Variants in LYRM4 observed in about 807,000 individuals in gnomAD.
The protein encoded by LYRM4 is LYR motif-containing protein 4.
A neutral mutation model predicts 11.7 loss-of-function variants in LYRM4; 9 were observed. That is an observed-to-expected ratio of 0.77 (90% CI 0.46 to 1.34). The LOEUF is 1.34. Among genes scored for constraint, LYRM4 ranks in the 40% most tolerant of loss-of-function variants. The pLI is 0.00. For missense variants in LYRM4, 133 were observed against 112.5 expected, an observed-to-expected ratio of 1.18 and a Z score of -0.82; for synonymous variants, 42 against 40.4, an observed-to-expected ratio of 1.04 and a Z score of -0.15.
chr6:5,040,937 T>C, the LYRM4 span, among the ~76,000 whole-genome samples: 1 of 152,092 alleles, frequency 6.6e-6, no homozygotes, highest in Non-Finnish European at 1.5e-5. Context: ...TGTGGTTCCA[T>C]GCATAAAGAG....
intron 2 of LYRM4, among the ~76,000 whole-genome samples, chr6:5,160,845 A>T (rs1758717217): frequency 6.6e-6 from 1 of 152,194 alleles, no homozygotes; most frequent in African/African-American, 2.4e-5. Context: ...CTCTAAGTCA[A>T]CTGGCCATTT....
At chr6:5,211,416 A>T (rs1026786572) in intron 2 of LYRM4, among the ~76,000 whole-genome samples, 8 of 152,194 alleles carry the variant, frequency 5.3e-5, no homozygotes, top group African/African-American at 1.9e-4. Context: ...AATTCAGCAA[A>T]TTACTTTGCT....
chr6:5,075,667 C>G, the LYRM4 span, among the ~76,000 whole-genome samples: 17 of 152,304 alleles, frequency 1.1e-4, no homozygotes, highest in South Asian at 3.3e-3. Flanking sequence ...GGACAGAAGT[C>G]AAATGCTGTA....
At chr6:5,096,029 C>T in the LYRM4 span, among the ~76,000 whole-genome samples, 1 of 151,982 alleles carries the variant, frequency 6.6e-6, no homozygotes, top group Non-Finnish European at 1.5e-5. Flanking sequence ...GAGTATTATG[C>T]CAAAGTAGAT....
chr6:5,112,231 T>C (rs393332), intron 2 of LYRM4, among the ~76,000 whole-genome samples: 142,764 of 152,262 alleles, frequency 0.94, 67,062 homozygotes, highest in African/African-American at 0.99. Context: ...TATGAGGTCA[T>C]GTGCTCCAGT....
At chr6:5,120,405 G>A (rs1763383069) in intron 2 of LYRM4, among the ~76,000 whole-genome samples, 1 of 152,184 alleles carries the variant, frequency 6.6e-6, no homozygotes, top group Admixed American at 6.5e-5. Flanking sequence ...CTTCTGGTGG[G>A]TTCGTGGTCT....
At chr6:5,086,149 C>T in the LYRM4 span, 5 of 1,515,388 alleles carry the variant, frequency 3.3e-6, no homozygotes, top group Non-Finnish European at 4.4e-6. Flanking sequence ...GTGCCTGGAG[C>T]GCGTGCAGTG....
At chr6:5,146,434 A>G (rs1757727188) in intron 2 of LYRM4, among the ~76,000 whole-genome samples, 1 of 152,126 alleles carries the variant, frequency 6.6e-6, no homozygotes, top group Non-Finnish European at 1.5e-5. Flanking sequence ...GTTAGATAGT[A>G]TTATACTTTT....
chr6:5,172,056 CT>C (rs1428815598), intron 2 of LYRM4, among the ~76,000 whole-genome samples: 1 of 152,140 alleles, frequency 6.6e-6, no homozygotes, highest in African/African-American at 2.4e-5. Context: ...TTAGGGAAAG[CT>C]CTCCTGGCTA....
intron 2 of LYRM4, among the ~76,000 whole-genome samples, chr6:5,182,221 C>A (rs567938761): frequency 1.3e-5 from 2 of 152,176 alleles, no homozygotes; most frequent in South Asian, 2.1e-4. Flanking sequence ...CATTTCTGAA[C>A]CCCTATGATG....
intron 2 of LYRM4, among the ~76,000 whole-genome samples, chr6:5,210,357 G>T (rs566157703): frequency 8.0e-4 from 122 of 152,208 alleles, no homozygotes; most frequent in African/African-American, 2.7e-3. Flanking sequence ...TGAGAAAACA[G>T]AGGGCTCGCG....
At chr6:5,034,315 G>A in the LYRM4 span, 1 of 152,222 alleles carries the variant, frequency 6.6e-6, no homozygotes, top group African/African-American at 2.4e-5. Flanking sequence ...CAGAAAAGAA[G>A]GGAAAGCAGC....
chr6:5,069,819 C>A, the LYRM4 span, among the ~76,000 whole-genome samples: 3 of 152,174 alleles, frequency 2.0e-5, no homozygotes, highest in Non-Finnish European at 4.4e-5. Context: ...TATTGTTTGT[C>A]TCCCTTTCCC....
At chr6:5,148,351 A>T in intron 2 of LYRM4, 1 of 155,048 alleles carries the variant, frequency 6.4e-6, no homozygotes. Flanking sequence ...AGCAGGAAGG[A>T]GAAGCAAAGA....
rs774797057 is a variant in LYRM4, at chr6:5,260,701, A to C, written c.33T>G (p.Ser11=). Residue 11 remains serine (S), a synonymous_variant, in exon 1 of 3, where the codon TCT becomes TCG. Transcript: ENST00000330636. MAASSRAQVL[S]LYRAMLRESK... The stretch of plus-strand genomic sequence containing the variant: ...TCTCTCTCAGCATCGCCCGGTACAG[A>C]GATAACACTTGTGCGCGACTGGAGG... 1.4e-5 allele frequency: 22 copies of C among 1,553,908 alleles called. No individual in the cohort carries two copies. The Admixed American group carries it at 4.2e-4, about 30-fold the overall frequency.
intron 2 of LYRM4, among the ~76,000 whole-genome samples, chr6:5,118,978 T>C (rs1319852017): frequency 6.6e-6 from 1 of 152,194 alleles, no homozygotes; most frequent in East Asian, 1.9e-4. Flanking sequence ...CCTGAAGGGA[T>C]CATCCGAACT....
chr6:5,168,480 G>A (rs956670910), intron 2 of LYRM4, among the ~76,000 whole-genome samples: 2 of 152,110 alleles, frequency 1.3e-5, no homozygotes, highest in East Asian at 3.9e-4. Flanking sequence ...CAAGCATGAC[G>A]ACAATGAGAC....
At chr6:5,176,079 T>TTC (rs1759703092) in intron 2 of LYRM4, among the ~76,000 whole-genome samples, 1 of 151,748 alleles carries the variant, frequency 6.6e-6, no homozygotes, top group African/African-American at 2.4e-5. Flanking sequence ...TTTTTTTTTT[T>TTC]TTTGAGACAG....
intron 2 of LYRM4, among the ~76,000 whole-genome samples, chr6:5,160,329 T>C (rs750152619): frequency 6.6e-6 from 1 of 152,076 alleles, no homozygotes; most frequent in East Asian, 1.9e-4. Context: ...TGATGCATCA[T>C]GCATCAGGCA....
Sources: allele counts gnomAD v4.1 joint callset (sites outside exome capture counted in the v4.1 genomes callset), GRCh38; gene constraint gnomAD v4.1.1; transcripts MANE v1.5; gene names NCBI Gene and HGNC (gene_info 2026-07-23, HGNC 2026-07-21).